The following SLC5A4 variants were observed in gnomAD, a reference collection of about 807,000 sequenced individuals.
SLC5A4 encodes solute carrier family 5 member 4.
In SLC5A4, 55 loss-of-function variants were observed where a neutral mutation model predicts 70.3. The observed-to-expected ratio is 0.78, with a 90% CI of 0.63 to 0.98. The LOEUF (loss-of-function observed/expected upper bound fraction) is 0.98. Among genes scored for constraint, SLC5A4 ranks in the 50% least tolerant of loss-of-function variants. The pLI is 0.00. For missense variants in SLC5A4, 735 were observed against 839.2 expected (o/e 0.88, Z 1.53); for synonymous variants, 268 against 305.7 (o/e 0.88, Z 1.29).
At chr22:32,306,478 CAA>C in the SLC5A4 span, among the ~76,000 whole-genome samples, 5 of 122,896 alleles carry the variant, frequency 4.1e-5, no homozygotes, top group South Asian at 5.7e-4. Flanking sequence ...AAAAAAAAAA[CAA>C]AAACTACTGT....
At position 32,255,345 on chromosome 22, in the gene SLC5A4, T is replaced by C. The variant is rs1254122323; in HGVS notation, c.-16A>G. ...TACTGGCCATGGCTGCAGGCAGTGC[T>C]ATACCCATTCCACGCATGAGCCATC... On this transcript the variant is annotated 5_prime_UTR_variant, in exon 1 of 15. The change creates a new upstream start codon in the 5' untranslated region. Transcript: ENST00000266086. The C allele has an allele frequency of 9.3e-6, 15 of 1,611,940 alleles. No homozygotes were observed. Among genetic ancestry groups the C allele is most frequent in the African/African-American group, 1.3e-5 (1 of 75,016 alleles).
chr22:32,276,222 C>G, the SLC5A4 span, among the ~76,000 whole-genome samples: 1 of 152,100 alleles, frequency 6.6e-6, no homozygotes, highest in Admixed American at 6.6e-5. Context: ...GATAATCTTC[C>G]TATAGGACTT....
At chr22:32,258,095 TCTC>T (rs1227249239), upstream of SLC5A4, among the ~76,000 whole-genome samples, 1 of 152,014 alleles carries the variant, frequency 6.6e-6, no homozygotes, top group South Asian at 2.1e-4. Context: ...AAGTGATTCT[TCTC>T]CTGCCTCAGC....
the SLC5A4 span, among the ~76,000 whole-genome samples, chr22:32,286,180 GCTA>G: frequency 1.3e-5 from 2 of 152,108 alleles, no homozygotes; most frequent in African/African-American, 4.8e-5. Flanking sequence ...GTATTGAAAT[GCTA>G]CTTTTGTTGT....
At chr22:32,275,165 T>C in the SLC5A4 span, among the ~76,000 whole-genome samples, 1 of 152,238 alleles carries the variant, frequency 6.6e-6, no homozygotes, top group Non-Finnish European at 1.5e-5. Context: ...AAAAATCGAC[T>C]CTTGATTAAT....
the SLC5A4 span, among the ~76,000 whole-genome samples, chr22:32,293,058 G>A: frequency 1.3e-5 from 2 of 152,028 alleles, no homozygotes; most frequent in Non-Finnish European, 2.9e-5. Flanking sequence ...TCATCTTTAA[G>A]TATACTTTAA....
the SLC5A4 span, among the ~76,000 whole-genome samples, chr22:32,274,152 G>A: frequency 6.6e-6 from 1 of 150,806 alleles, no homozygotes; most frequent in African/African-American, 2.4e-5. Context: ...CCGTTCTCCC[G>A]CTTCAGCCTC....
the SLC5A4 span, among the ~76,000 whole-genome samples, chr22:32,300,097 GCTGT>G: frequency 6.6e-6 from 1 of 151,244 alleles, no homozygotes; most frequent in Non-Finnish European, 1.5e-5. Flanking sequence ...AGAGGTTACT[GCTGT>G]CTTTTTGTTT....
At chr22:32,261,780 T>G in the SLC5A4 span, among the ~76,000 whole-genome samples, 7,658 of 152,304 alleles carry the variant, frequency 0.05, 239 homozygotes, top group South Asian at 0.079. Context: ...TTCATTCTGT[T>G]TTTTTGTACC....
At chr22:32,304,414 T>C in the SLC5A4 span, among the ~76,000 whole-genome samples, 9 of 151,672 alleles carry the variant, frequency 5.9e-5, no homozygotes, top group African/African-American at 2.2e-4. Context: ...AGTACTGGGA[T>C]TACAGGCGTG....
At chr22:32,232,844 C>A in intron 9 of SLC5A4, 55 bp downstream of exon 9, 1 of 1,544,720 alleles carries the variant, frequency 6.5e-7, no homozygotes, top group Non-Finnish European at 8.7e-7. Flanking sequence ...ATTTTAAAAA[C>A]ACTTATCAGA....
the SLC5A4 span, among the ~76,000 whole-genome samples, chr22:32,261,368 C>T: frequency 9.0e-4 from 137 of 152,336 alleles, 1 homozygote; most frequent in Middle Eastern, 6.8e-3. Flanking sequence ...ACTTAGCTTT[C>T]TCTCTGCAGC....
chr22:32,330,597 TG>T, the SLC5A4 span, among the ~76,000 whole-genome samples: 104 of 114,782 alleles, frequency 9.1e-4, 2 homozygotes, highest in African/African-American at 2.0e-3. Flanking sequence ...TGTGTGTGTG[TG>T]TAGGAAACTG....
Position 32,235,172 on chromosome 22 carries a change from G to A in SLC5A4, c.665-79C>T, listed in dbSNP as rs887175221. 9.4e-6 allele frequency: 10 copies of A among 1,060,184 alleles called. No homozygotes were observed. In the African/African-American group the frequency reaches 1.4e-4, roughly 15 times the overall value. 65.7% of individuals were successfully genotyped at this position (1,060,184 alleles called of 1,614,324 possible). On this transcript the variant is annotated intron_variant, in intron 7 of 14. Coordinates refer to ENST00000266086, the MANE Select transcript of SLC5A4 (RefSeq NM_014227.3). Reference sequence around the variant, plus strand: ...ATGTTTATGATGACTACTTTTTGGTGGAGGTAAACAAGCACCTCCCATCAG... The same window carrying A: ...ATGTTTATGATGACTACTTTTTGGTAGAGGTAAACAAGCACCTCCCATCAG...
the SLC5A4 span, among the ~76,000 whole-genome samples, chr22:32,266,101 G>C: frequency 6.6e-6 from 1 of 152,278 alleles, no homozygotes; most frequent in East Asian, 1.9e-4. Context: ...TGTCATTCAG[G>C]GATAAAGGTT....
At chr22:32,310,691 C>G in the SLC5A4 span, among the ~76,000 whole-genome samples, 1 of 152,228 alleles carries the variant, frequency 6.6e-6, no homozygotes, top group African/African-American at 2.4e-5. Context: ...CTGGGTCTTC[C>G]ACAGCTGACC....
chr22:32,351,943 G>T, the SLC5A4 span, among the ~76,000 whole-genome samples: 1 of 151,500 alleles, frequency 6.6e-6, no homozygotes, highest in East Asian at 1.9e-4. Context: ...ATAAGCAGAA[G>T]AAAAACCAGG....
the SLC5A4 span, among the ~76,000 whole-genome samples, chr22:32,337,472 T>C: frequency 6.6e-6 from 1 of 151,860 alleles, no homozygotes; most frequent in Non-Finnish European, 1.5e-5. Flanking sequence ...AGGTGGAGGT[T>C]GCAGTGAGCT....
At chr22:32,279,730 A>G in the SLC5A4 span, among the ~76,000 whole-genome samples, 1 of 152,272 alleles carries the variant, frequency 6.6e-6, no homozygotes, top group Non-Finnish European at 1.5e-5. Context: ...ATTAAGTTTT[A>G]CATGAGTTTT....
Sources: gnomAD v4.1 joint callset for allele counts (sites outside exome capture counted in the v4.1 genomes callset) on GRCh38, gnomAD v4.1.1 for gene constraint, MANE v1.5 for transcripts, NCBI Gene and HGNC (gene_info 2026-07-23, HGNC 2026-07-21) for gene names.